Variants in AGAP1 observed in about 807,000 individuals in gnomAD.
AGAP1 encodes ArfGAP with GTPase domain, ankyrin repeat and PH domain 1.
In AGAP1, 29 loss-of-function variants were observed where a neutral mutation model predicts 105.3. That is an observed-to-expected ratio of 0.28 (90% CI 0.21 to 0.38). The LOEUF is 0.38. Among genes scored for constraint, AGAP1 ranks in the 10% least tolerant of loss-of-function variants. AGAP1 has a pLI of 1.00. For missense variants in AGAP1, 998 were observed against 1,165.1 expected (o/e 0.86, Z 2.09); for synonymous variants, 509 against 485.9 (o/e 1.05, Z -0.63).
chr2:235,813,972 C>T (rs535513991), intron 9 of AGAP1, among the ~76,000 whole-genome samples: 43 of 152,332 alleles, frequency 2.8e-4, no homozygotes, highest in African/African-American at 8.7e-4. Context: ...GTGAATTCCA[C>T]GTCACCCACA....
intron 1 of AGAP1, among the ~76,000 whole-genome samples, chr2:235,527,048 A>C (rs1663200241): frequency 6.6e-6 from 1 of 152,330 alleles, no homozygotes; most frequent in South Asian, 2.1e-4. Flanking sequence ...TGTATCAAGC[A>C]AAAGTGAAAC....
intron 6 of AGAP1, among the ~76,000 whole-genome samples, chr2:235,784,451 C>G (rs185522845): frequency 1.3e-5 from 2 of 152,126 alleles, no homozygotes; most frequent in African/African-American, 2.4e-5. Flanking sequence ...TAACACTTAA[C>G]ATTATTAGTC....
rs1463655088 is a variant in AGAP1, at chr2:236,073,899, C to A, written c.2114+24618C>A. On this transcript the variant is annotated intron_variant, in intron 16 of 17. Transcript: ENST00000304032. The surrounding 1 kb of genome is among the most constrained non-coding windows in gnomAD (Gnocchi z 5.4). ...ACTATGCTGGTTGGCCTGGGCATGCCCCTCCCCCCAAGCATTTCCGCTGCA... is the reference window on the plus strand; with the variant it reads ...ACTATGCTGGTTGGCCTGGGCATGCACCTCCCCCCAAGCATTTCCGCTGCA... Among the ~76,000 whole-genome samples the A allele has an allele frequency of 1.3e-5, 2 of 151,522 alleles. No individual in the cohort carries two copies. The highest frequency in any genetic ancestry group is 3.0e-5 in the Non-Finnish European group (2 of 67,794).
intron 13 of AGAP1, among the ~76,000 whole-genome samples, chr2:236,026,468 C>T (rs2057058069): frequency 6.6e-6 from 1 of 152,244 alleles, no homozygotes; most frequent in Admixed American, 6.5e-5. Context: ...GTTGCTCATG[C>T]CTGTAATCCC....
rs984104890 is a variant in AGAP1, at chr2:235,614,272, G to A, written c.164-94907G>A. ...CAGTGTGGCCAGCGTCACTTAAAGCGGGGAGGTGGCTGGTGCTGGAGCGTG... is the reference window on the plus strand; with the variant it reads ...CAGTGTGGCCAGCGTCACTTAAAGCAGGGAGGTGGCTGGTGCTGGAGCGTG... On this transcript the variant is annotated intron_variant, in intron 1 of 17. Transcript: ENST00000304032. This position sits in a 1 kb window ranked among gnomAD's most constrained non-coding sequence, Gnocchi z 4.7. 3.3e-5 allele frequency among the ~76,000 whole-genome samples: 5 copies of A among 152,102 alleles called. No individual in the cohort carries two copies. Among genetic ancestry groups the A allele is most frequent in the African/African-American group, 1.2e-4 (5 of 41,406 alleles).
intron 11 of AGAP1, among the ~76,000 whole-genome samples, chr2:235,928,094 G>C (rs575822809): frequency 1.3e-5 from 2 of 152,232 alleles, no homozygotes; most frequent in African/African-American, 2.4e-5. Context: ...CAAGGGAGGT[G>C]CCCCCCCAAT....
intron 12 of AGAP1, among the ~76,000 whole-genome samples, chr2:235,935,574 G>GT (rs1227792330): frequency 6.6e-6 from 1 of 152,124 alleles, no homozygotes; most frequent in East Asian, 1.9e-4. Context: ...GGTTTAAACT[G>GT]TTTATCACTG....
Position 235,744,170 on chromosome 2 carries a change from G to C in AGAP1, c.397-528G>C, listed in dbSNP as rs1202987466. 6.6e-6 allele frequency among the ~76,000 whole-genome samples: 1 copy of C among 152,200 alleles called. No individual in the cohort carries two copies. The highest frequency in any genetic ancestry group is 1.5e-5 in the Non-Finnish European group (1 of 68,042). ...GCAGCAGGAGTTCAGCCAAGGATGA[G>C]CCTGGGTTGAATCTTTACCCTTCAA... On this transcript the variant is annotated intron_variant, in intron 4 of 17. Coordinates refer to ENST00000304032, the MANE Select transcript of AGAP1 (RefSeq NM_001037131.3). This position sits in a 1 kb window ranked among gnomAD's most constrained non-coding sequence, Gnocchi z 5.2.
rs914811273 is a variant in AGAP1 at position 235,958,531 on chromosome 2, G to A, written c.1484-9931G>A. Reference sequence around the variant, plus strand: ...TATCAAAAACCTATCAGCACACCTGGCGAGGACCCTCACCAAGGCGAGCTC... The same window carrying A: ...TATCAAAAACCTATCAGCACACCTGACGAGGACCCTCACCAAGGCGAGCTC... On this transcript the variant is annotated intron_variant, in intron 12 of 17. Transcript: ENST00000304032. This position sits in a 1 kb window ranked among gnomAD's most constrained non-coding sequence, Gnocchi z 4.1. Among the ~76,000 whole-genome samples the A allele has an allele frequency of 6.6e-6, 1 of 152,098 alleles. No individual in the cohort carries two copies. The highest frequency in any genetic ancestry group is 1.5e-5 in the Non-Finnish European group (1 of 68,014).
intron 8 of AGAP1, among the ~76,000 whole-genome samples, chr2:235,800,733 G>A (rs571028261): frequency 2.0e-5 from 3 of 152,224 alleles, no homozygotes; most frequent in South Asian, 4.1e-4. Context: ...ACAGGAGTAT[G>A]GGAGTGGGAA....
chr2:235,850,638 G>A (rs2048401134), intron 9 of AGAP1, among the ~76,000 whole-genome samples: 1 of 152,230 alleles, frequency 6.6e-6, no homozygotes, highest in Admixed American at 6.5e-5. Flanking sequence ...AAGTACTTTA[G>A]GACATTTTGG....
chr2:235,969,083 G>C (rs984319887), intron 13 of AGAP1, among the ~76,000 whole-genome samples: 2 of 152,172 alleles, frequency 1.3e-5, no homozygotes, highest in African/African-American at 4.8e-5. Context: ...AACGTGTTAT[G>C]ATAAACACTT....
intron 1 of AGAP1, among the ~76,000 whole-genome samples, chr2:235,673,699 A>G (rs1460135107): frequency 6.6e-6 from 1 of 152,192 alleles, no homozygotes; most frequent in African/African-American, 2.4e-5. Flanking sequence ...TAGACCTGCA[A>G]CGTGATAAGC....
chr2:235,805,068 G>GCCTGATGTAGACAAA (rs1957769790), intron 8 of AGAP1, among the ~76,000 whole-genome samples: 4 of 152,228 alleles, frequency 2.6e-5, no homozygotes, highest in Admixed American at 2.6e-4. Context: ...TATGGATACA[G>GCCTGATGTAGACAAA]CCTGATGTAG....
At chr2:236,091,999 G>A (rs1333089537) in intron 16 of AGAP1, among the ~76,000 whole-genome samples, 1 of 152,162 alleles carries the variant, frequency 6.6e-6, no homozygotes, top group African/African-American at 2.4e-5. Flanking sequence ...GAATTACATT[G>A]AGTGAAAAAA....
In AGAP1 at chr2:236,120,339, C is replaced by T. The variant is rs138222964; in HGVS notation, c.2262C>T (p.His754=). 2.8e-3 allele frequency: 4,461 copies of T among 1,612,204 alleles called. 13 individuals are homozygous for T. Among genetic ancestry groups the T allele is most frequent in the Admixed American group, 5.8e-3 (345 of 59,986 alleles). Reference sequence around the variant, plus strand: ...GGACGGCCATCCTGCTGCTGGCACACGGCTCCCGGGACGAGGTGAACGAGA... The same window carrying T: ...GGACGGCCATCCTGCTGCTGGCACATGGCTCCCGGGACGAGGTGAACGAGA... ...DLRTAILLLA[H]GSRDEVNETC... is the part of the protein sequence containing the mutation. Residue 754 remains histidine (H), a synonymous_variant, in exon 17 of 18, where the codon CAC becomes CAT. Transcript: ENST00000304032. The surrounding 1 kb of genome is among the most constrained non-coding windows in gnomAD (Gnocchi z 6.0).
chr2:235,509,660 C>T (rs1204480985), intron 1 of AGAP1, among the ~76,000 whole-genome samples: 2 of 152,074 alleles, frequency 1.3e-5, no homozygotes, highest in African/African-American at 4.8e-5. Context: ...TCCTCATGCC[C>T]GTTTGCAACC....
intron 1 of AGAP1, among the ~76,000 whole-genome samples, chr2:235,654,611 T>G (rs1947714386): frequency 6.6e-6 from 1 of 151,912 alleles, no homozygotes. Context: ...TAAAGTGATC[T>G]CAAGACGGTG....
intron 12 of AGAP1, among the ~76,000 whole-genome samples, chr2:235,947,540 G>A (rs1256093391): frequency 6.6e-6 from 1 of 152,242 alleles, no homozygotes; most frequent in Admixed American, 6.5e-5. Context: ...CTATAAACAT[G>A]CATGTGCAAG....
Sources: gnomAD v4.1 joint callset for allele counts (sites outside exome capture counted in the v4.1 genomes callset) on GRCh38, gnomAD v4.1.1 for gene constraint, Gnocchi (gnomAD v3.1) non-coding constraint, MANE v1.5 for transcripts, NCBI Gene and HGNC (gene_info 2026-07-23, HGNC 2026-07-21) for gene names.